Variants in NR2E1 observed in about 807,000 individuals in gnomAD.
NR2E1 encodes the protein nuclear receptor TLX.
NR2E1 carries 5 observed loss-of-function variants against 43.6 expected under a neutral mutation model. The observed-to-expected ratio is 0.11, with a 90% CI of 0.06 to 0.24. NR2E1 has a LOEUF of 0.24. NR2E1 is among the 10% of genes least tolerant of loss of function. NR2E1 has a pLI of 1.00. For missense variants in NR2E1, 287 were observed against 496.7 expected (o/e 0.58, Z 4.01); for synonymous variants, 191 against 195.5 (o/e 0.98, Z 0.19).
Position 108,180,064 on chromosome 6 carries a change from A to G in NR2E1, c.643-259A>G, listed in dbSNP as rs1773960260. On this transcript the variant is annotated intron_variant, in intron 5 of 8. Transcript: ENST00000368986. The surrounding 1 kb of genome is among the most constrained non-coding windows in gnomAD (Gnocchi z 5.4). ...TGGTCAGGAATGGGTGGATACAAGGACAAGAGGGGCAAATCCTTTTCTGAG... is the reference window on the plus strand; with the variant it reads ...TGGTCAGGAATGGGTGGATACAAGGGCAAGAGGGGCAAATCCTTTTCTGAG... Among the ~76,000 whole-genome samples the G allele has an allele frequency of 6.6e-6, 1 of 152,192 alleles. No homozygotes were observed. Among genetic ancestry groups the G allele is most frequent in the South Asian group, 2.1e-4 (1 of 4,830 alleles).
intron 2 of NR2E1, among the ~76,000 whole-genome samples, chr6:108,173,714 A>G (rs2114673851): frequency 6.6e-6 from 1 of 152,388 alleles, no homozygotes; most frequent in Non-Finnish European, 1.5e-5. Flanking sequence ...ATCTAACAGT[A>G]GCAACTTCTA....
chr6:108,167,146 A>G (rs553273674), intron 1 of NR2E1, among the ~76,000 whole-genome samples: 2 of 152,096 alleles, frequency 1.3e-5, no homozygotes, highest in South Asian at 4.2e-4. Flanking sequence ...GCACAATAAC[A>G]CACTCGCTCA....
In NR2E1 at chr6:108,171,474, C is replaced by T. The variant is rs1193682725; in HGVS notation, c.42C>T (p.Ile14=). The change falls in exon 2 of 9, where the codon ATC becomes ATT. Residue 14 remains isoleucine (I), a synonymous_variant. Transcript: ENST00000368986. ...PAGSTSRILD[I]PCKVCGDRSS... ...CGATTTCAGGCCGCATTTTAGATAT[C>T]CCCTGCAAAGTGTGTGGCGACCGCA... 5.6e-6 allele frequency: 9 copies of T among 1,613,976 alleles called. No individual in the cohort carries two copies. The highest frequency in any genetic ancestry group is 2.2e-5 in the East Asian group (1 of 44,872).
At chr6:108,176,447 G>C (rs1562404346) in intron 3 of NR2E1, 56 bp from the exon 4 acceptor site, 3 of 1,553,246 alleles carry the variant, frequency 1.9e-6, no homozygotes, top group Non-Finnish European at 2.6e-6. Flanking sequence ...GAGCCGCAGC[G>C]GCTGTGTCTC....
chr6:108,184,897 CTT>C (rs1408315338), intron 8 of NR2E1, among the ~76,000 whole-genome samples: 1 of 152,116 alleles, frequency 6.6e-6, no homozygotes, highest in Admixed American at 6.5e-5. Context: ...AAATAAGTAT[CTT>C]ATTTCTTATT....
intron 2 of NR2E1, among the ~76,000 whole-genome samples, chr6:108,173,420 C>G (rs1441474497): frequency 6.6e-6 from 1 of 152,200 alleles, no homozygotes; most frequent in Non-Finnish European, 1.5e-5. Flanking sequence ...AAATTATCTC[C>G]TTTCTCTCTT....
intron 8 of NR2E1, among the ~76,000 whole-genome samples, chr6:108,182,712 C>T (rs752330219): frequency 2.2e-4 from 33 of 152,178 alleles, no homozygotes; most frequent in Admixed American, 3.9e-4. Flanking sequence ...GTGCCTGCCA[C>T]CACGCCCAGC....
chr6:108,181,520 C>T (rs1273755259), intron 7 of NR2E1, 26 bp from the exon 8 acceptor site: 2 of 1,577,926 alleles, frequency 1.3e-6, no homozygotes, highest in Non-Finnish European at 1.7e-6. Context: ...TGCTGTCTAT[C>T]ACAGTTTCCT....
At chr6:108,167,927 C>G (rs1189142569) in intron 1 of NR2E1, 3 of 1,309,112 alleles carry the variant, frequency 2.3e-6, no homozygotes, top group African/African-American at 3.0e-5. Flanking sequence ...CCCTCCTACC[C>G]CCCTCCAAGA....
Position 108,180,749 on chromosome 6 carries a change from A to G in NR2E1, c.740-58A>G. The G allele has an allele frequency of 6.5e-7, 1 of 1,544,630 alleles. No individual in the cohort carries two copies. Among genetic ancestry groups the G allele is most frequent in the Non-Finnish European group, 8.9e-7 (1 of 1,117,642 alleles). On this transcript the variant is annotated intron_variant, in intron 6 of 8. Transcript: ENST00000368986. The surrounding 1 kb of genome is among the most constrained non-coding windows in gnomAD (Gnocchi z 5.4). Reference sequence around the variant, plus strand: ...ATATGCAGGATTTTGTCAAAAATCAATATTAAATCATGAAAATGCCTTCAT... The same window carrying G: ...ATATGCAGGATTTTGTCAAAAATCAGTATTAAATCATGAAAATGCCTTCAT...
chr6:108,166,714 C>T lies in NR2E1; in HGVS notation c.-52C>T, dbSNP rs1410692575. On this transcript the variant is annotated 5_prime_UTR_variant, in exon 1 of 9. Coordinates refer to ENST00000368986, the MANE Select transcript of NR2E1 (RefSeq NM_003269.5). The surrounding 1 kb of genome is among the most constrained non-coding windows in gnomAD (Gnocchi z 7.2). ...CGCCCGGCGGCGAGGCGGGCGCTGC[C>T]GGCCGGGACTCGGGCAGCGCCCACC... The T allele has an allele frequency of 2.0e-6, 3 of 1,488,720 alleles. No homozygotes were observed. The highest frequency in any genetic ancestry group is 2.7e-5 in the East Asian group (1 of 37,696). 92.2% of individuals were successfully genotyped at this position (1,488,720 alleles called of 1,614,324 possible).
chr6:108,178,831 T>C (rs1044270907), intron 5 of NR2E1: 5 of 163,614 alleles, frequency 3.1e-5, no homozygotes, highest in Admixed American at 5.6e-5. Context: ...AATAGGCATT[T>C]TGCTTAATTC....
intron 4 of NR2E1, among the ~76,000 whole-genome samples, chr6:108,177,691 C>G (rs1773922306): frequency 6.6e-6 from 1 of 152,226 alleles, no homozygotes; most frequent in Admixed American, 6.5e-5. Context: ...TAAAAATACT[C>G]ATATGCATAT....
Position 108,176,649 on chromosome 6 carries a change from C to G in NR2E1, c.406C>G (p.Gln136Glu). Reference protein sequence around the residue: ...PAPAFFTAVTQLEPHGLELAA... With the variant: ...PAPAFFTAVTELEPHGLELAA... Reference sequence around the variant, plus strand: ...GCCGGCCTTCTTCACCGCGGTCACGCAGCTGGAGCCGCACGGCCTGGAGCT... The same window carrying G: ...GCCGGCCTTCTTCACCGCGGTCACGGAGCTGGAGCCGCACGGCCTGGAGCT... Residue 136 changes from glutamine to glutamate, a missense_variant, in exon 4 of 9, where the codon CAG (glutamine) becomes GAG (glutamate). Transcript: ENST00000368986. 1 of 1,607,940 alleles carries G rather than the reference C, an allele frequency of 6.2e-7. No homozygotes were observed. The highest frequency in any genetic ancestry group is 8.5e-7 in the Non-Finnish European group (1 of 1,178,796).
rs1346232613 is a variant in NR2E1, at chr6:108,171,611, A to C, written c.171+8A>C. ...TGCAAATCTGGAAACCAGGTACCTT[A>C]GCCAGGGCTGCACTGCTGGGCTCCG... is the stretch of plus-strand genomic sequence containing the variant. On this transcript the variant is annotated splice_region_variant and intron_variant, in intron 2 of 8. Coordinates refer to ENST00000368986, the MANE Select transcript of NR2E1 (RefSeq NM_003269.5). 2.5e-6 allele frequency: 4 copies of C among 1,613,926 alleles called. No homozygotes were observed. Among genetic ancestry groups the C allele is most frequent in the Non-Finnish European group, 3.4e-6 (4 of 1,180,042 alleles).
intron 8 of NR2E1, among the ~76,000 whole-genome samples, chr6:108,182,635 T>A (rs185011812): frequency 3.1e-4 from 46 of 149,264 alleles, no homozygotes; most frequent in Admixed American, 2.7e-4. Context: ...CTCGGCTCAC[T>A]GCAACCTTCG....
At chr6:108,171,323 C>A in intron 1 of NR2E1, 135 bp from the exon 2 acceptor site, 1 of 963,342 alleles carries the variant, frequency 1.0e-6, no homozygotes. Context: ...TTGCTTTTAC[C>A]GCAGCTTCGG....
Position 108,171,592 on chromosome 6 carries a change from T to A in NR2E1, c.160T>A (p.Ser54Thr). Residue 54 changes from serine (S) to threonine (T), a missense_variant, in exon 2 of 9, where the codon TCT becomes ACT. By Grantham distance (58) the Ser-to-Thr change is moderately conservative. Around this residue, in one of 4 missense-constraint regions of NR2E1, gnomAD observed 46 missense variants for 132.3 expected, o/e 0.35. Coordinates refer to ENST00000368986, the MANE Select transcript of NR2E1 (RefSeq NM_003269.5). ...AAGGAATAGGACCTATGTCTGCAAA[T>A]CTGGAAACCAGGTACCTTAGCCAGG... Reference protein sequence around the residue: ...IRRNRTYVCKSGNQGGCPVDK... With the variant: ...IRRNRTYVCKTGNQGGCPVDK... The A allele has an allele frequency of 6.2e-7, 1 of 1,614,074 alleles. No individual in the cohort carries two copies. The highest frequency in any genetic ancestry group is 8.5e-7 in the Non-Finnish European group (1 of 1,180,034).
intron 5 of NR2E1, among the ~76,000 whole-genome samples, chr6:108,179,684 A>C (rs1218500218): frequency 6.6e-6 from 1 of 152,130 alleles, no homozygotes. Context: ...TTGGAAAAAG[A>C]GACAGATTTT....
Sources: gnomAD v4.1 joint callset for allele counts (sites outside exome capture counted in the v4.1 genomes callset) on GRCh38, gnomAD v4.1.1 for gene constraint, gnomAD v4.1.1 regional missense constraint, Gnocchi (gnomAD v3.1) non-coding constraint, MANE v1.5 for transcripts, NCBI Gene and HGNC (gene_info 2026-07-23, HGNC 2026-07-21) for gene names.